FBN1: variants seen among roughly 807,000 people sequenced by gnomAD.
FBN1 encodes the protein fibrillin 1.
A neutral mutation model predicts 365.1 loss-of-function variants in FBN1; 29 were observed. That is an observed-to-expected ratio of 0.08 (90% CI 0.06 to 0.11). The LOEUF (loss-of-function observed/expected upper bound fraction) is 0.11, where lower values mean the gene tolerates loss of function less well. Among genes scored for constraint, FBN1 ranks in the 10% least tolerant of loss-of-function variants. The probability of loss-of-function intolerance (pLI) is 1.00; values close to 1 mark genes in which losing one functional copy is unlikely to be tolerated. For missense variants in FBN1, 2,476 were observed against 3,703.2 expected, an observed-to-expected ratio of 0.67 and a Z score of 8.60; for synonymous variants, 1,210 against 1,270.5, an observed-to-expected ratio of 0.95 and a Z score of 1.01.
intron 43 of FBN1, among the ~76,000 whole-genome samples, chr15:48,458,108 C>T (rs1474879835): frequency 6.6e-6 from 1 of 152,168 alleles, no homozygotes; most frequent in African/African-American, 2.4e-5. Context: ...CAAAGTCTTC[C>T]AATTCACTAG....
chr15:48,641,861 G>C (rs1358531703), intron 2 of FBN1: 3 of 152,144 alleles, frequency 2.0e-5, no homozygotes, highest in Admixed American at 6.5e-5. Flanking sequence ...AATAAGCAGA[G>C]GGAATAAATT....
At chr15:48,644,998 CGG>C (rs1273291720) in intron 1 of FBN1, 48 bp from the exon 2 acceptor site, 47 of 346,646 alleles carry the variant, frequency 1.4e-4, no homozygotes, top group African/African-American at 9.6e-4. Flanking sequence ...TTCAGGGCAT[CGG>C]GATGCTGAAG....
intron 43 of FBN1, 31 bp from the exon 44 acceptor site, chr15:48,456,793 A>G (rs1164937791): frequency 6.2e-7 from 1 of 1,607,464 alleles, no homozygotes; most frequent in East Asian, 2.2e-5. Flanking sequence ...CATGAGTGAC[A>G]GGACAGCACA....
At position 48,488,099 on chromosome 15, in the gene FBN1, GA is replaced by G. The variant is rs563620440; in HGVS notation, c.3337+13del. 1.2e-4 allele frequency: 193 copies of G among 1,614,096 alleles called. 3 individuals carry two copies. In the South Asian group the frequency reaches 2.1e-3, roughly 18 times the overall value. On this transcript the variant is annotated intron_variant, in intron 27 of 65. Coordinates refer to ENST00000316623, the MANE Select transcript of FBN1 (RefSeq NM_000138.5). Reference sequence around the variant, plus strand: ...CCTTCTCTTTCTGTGTTGATCAAATGATCCCAAACTTACCCATGCAGTTCTT... The same window carrying G: ...CCTTCTCTTTCTGTGTTGATCAAATGTCCCAAACTTACCCATGCAGTTCTT...
In FBN1 at chr15:48,456,755, A is replaced by T. The variant is rs867058901; in HGVS notation, c.5304T>A (p.Asp1768Glu). 3.1e-6 allele frequency: 5 copies of T among 1,613,526 alleles called. No homozygotes were observed. The highest frequency in any genetic ancestry group is 4.2e-6 in the Non-Finnish European group (5 of 1,179,794). Residue 1768 changes from aspartate (D) to glutamate (E), a missense_variant, in exon 44 of 66, where the codon GAT becomes GAA. Coordinates refer to ENST00000316623, the MANE Select transcript of FBN1 (RefSeq NM_000138.5). ...DIYTGLPVDI[D>E]ECREIPGVCE... Reference sequence around the variant, plus strand: ...AGACCCCTGGGATCTCCCGGCACTCATCAATATCTAGAGACAGAGTAGTCA... The same window carrying T: ...AGACCCCTGGGATCTCCCGGCACTCTTCAATATCTAGAGACAGAGTAGTCA...
intron 36 of FBN1, among the ~76,000 whole-genome samples, chr15:48,469,116 T>C (rs943016431): frequency 6.9e-6 from 1 of 144,660 alleles, no homozygotes; most frequent in Admixed American, 6.9e-5. Flanking sequence ...ATATTACATA[T>C]ATATATAAAA....
rs1555399731 is a variant in FBN1 at position 48,503,312 on chromosome 15, AAAGAAG to A, written c.2113+469_2113+474del. On this transcript the variant is annotated intron_variant, in intron 17 of 65. Coordinates refer to ENST00000316623, the MANE Select transcript of FBN1 (RefSeq NM_000138.5). ...ACTCCATCTCAAAAAAAAAAAAAAA[AAAGAAG>A]AAGAAGAAGAAGAAAGAAAAAGAAA... Among the ~76,000 whole-genome samples the A allele has an allele frequency of 4.8e-5, 7 of 145,282 alleles. No individual in the cohort carries two copies. In the South Asian group the frequency reaches 1.1e-3, roughly 22 times the overall value.
intron 45 of FBN1, among the ~76,000 whole-genome samples, chr15:48,451,371 C>G (rs935700285): frequency 9.2e-5 from 14 of 152,158 alleles, no homozygotes; most frequent in African/African-American, 3.4e-4. Flanking sequence ...TTTTCCTGTC[C>G]TGTATTTTTA....
intron 6 of FBN1, among the ~76,000 whole-genome samples, chr15:48,548,724 G>C (rs868165129): frequency 3.3e-5 from 5 of 152,082 alleles, no homozygotes; most frequent in African/African-American, 1.2e-4. Flanking sequence ...AATAATAAGA[G>C]ACAGCATTAA....
chr15:48,580,478 C>T (rs1301879464), intron 6 of FBN1, among the ~76,000 whole-genome samples: 2 of 152,118 alleles, frequency 1.3e-5, no homozygotes, highest in African/African-American at 4.8e-5. Flanking sequence ...CAAGTGCACT[C>T]GGTAACTGGC....
chr15:48,581,957 G>T (rs1489985978), intron 6 of FBN1, among the ~76,000 whole-genome samples: 7 of 152,118 alleles, frequency 4.6e-5, no homozygotes, highest in Admixed American at 4.6e-4. Flanking sequence ...AAATATGAAG[G>T]GTTGCCCCAA....
At chr15:48,521,426 G>A (rs1261071901) in intron 9 of FBN1, among the ~76,000 whole-genome samples, 1 of 152,076 alleles carries the variant, frequency 6.6e-6, no homozygotes, top group Non-Finnish European at 1.5e-5. Context: ...ATTTTATAAG[G>A]TACTAGTTAT....
chr15:48,514,895 T>TATA (rs1294858513), intron 12 of FBN1, among the ~76,000 whole-genome samples: 2 of 152,200 alleles, frequency 1.3e-5, no homozygotes, highest in African/African-American at 4.8e-5. Flanking sequence ...ATGGATATGT[T>TATA]TAGCTAGCAA....
intron 6 of FBN1, among the ~76,000 whole-genome samples, chr15:48,572,541 C>T (rs1354774470): frequency 2.0e-5 from 3 of 151,150 alleles, no homozygotes; most frequent in East Asian, 1.9e-4. Flanking sequence ...AAAACAAAGA[C>T]CCCTCAAAGA....
chr15:48,552,706 T>C (rs1328467567), intron 6 of FBN1, among the ~76,000 whole-genome samples: 1 of 152,220 alleles, frequency 6.6e-6, no homozygotes, highest in Non-Finnish European at 1.5e-5. Flanking sequence ...CAAACTCATT[T>C]CTAACTGAGA....
intron 29 of FBN1, 103 bp downstream of exon 29, chr15:48,486,972 T>A: frequency 1.1e-6 from 1 of 951,134 alleles, no homozygotes; most frequent in African/African-American, 1.7e-5. Flanking sequence ...ACATAGAGTG[T>A]TTTAGGGAGA....
At chr15:48,475,158 C>T (rs1176736320) in intron 32 of FBN1, among the ~76,000 whole-genome samples, 1 of 151,864 alleles carries the variant, frequency 6.6e-6, no homozygotes, top group Non-Finnish European at 1.5e-5. Flanking sequence ...TTTAATTATG[C>T]TTTATTTCTA....
intron 2 of FBN1, chr15:48,641,430 T>A (rs904157050): frequency 6.6e-6 from 1 of 152,166 alleles, no homozygotes. Flanking sequence ...GAAAGGAATA[T>A]ATATGCATTT....
intron 30 of FBN1, 97 bp from the exon 31 acceptor site, chr15:48,484,040 A>T: frequency 1.6e-6 from 2 of 1,244,060 alleles, no homozygotes; most frequent in Non-Finnish European, 2.3e-6. Context: ...AACTTAGCCT[A>T]CTAGCATAAG....
Sources: allele counts gnomAD v4.1 joint callset (sites outside exome capture counted in the v4.1 genomes callset), GRCh38; gene constraint gnomAD v4.1.1; transcripts MANE v1.5; gene names NCBI Gene and HGNC (gene_info 2026-07-23, HGNC 2026-07-21).